MUC4: variants seen among roughly 807,000 people sequenced by gnomAD.
MUC4 encodes the protein mucin-4.
MUC4 carries 202 observed loss-of-function variants against 257.9 expected under a neutral mutation model. That is an observed-to-expected ratio of 0.78 (90% CI 0.70 to 0.88). MUC4 has a LOEUF of 0.88. MUC4 is among the 40% of genes least tolerant of loss of function. The pLI is 0.00. For synonymous variants in MUC4, 2,351 were observed against 2,757.1 expected (o/e 0.85, Z 4.62); for missense variants, 5,976 against 6,513.7 (o/e 0.92, Z 2.84).
intron 18 of MUC4, among the ~76,000 whole-genome samples, chr3:195,756,565 TTC>T (rs1040920867): frequency 5.3e-5 from 8 of 151,816 alleles, no homozygotes; most frequent in Admixed American, 2.0e-4. Flanking sequence ...CCAATATAGT[TTC>T]TTTCTTTCTT....
At chr3:195,778,482 G>A (rs763297644) in intron 2 of MUC4, 27 bp from the exon 3 acceptor site, 3 of 1,608,386 alleles carry the variant, frequency 1.9e-6, no homozygotes, top group East Asian at 4.5e-5. Flanking sequence ...ACAAGGCGGG[G>A]TGTTTCTTAC....
At position 195,765,384 on chromosome 3, in the gene MUC4, G is replaced by A; in HGVS notation, c.13684C>T (p.Leu4562=). The A allele has an allele frequency of 6.2e-7, 1 of 1,613,652 alleles. No individual in the cohort carries two copies. Among genetic ancestry groups the A allele is most frequent in the Non-Finnish European group, 8.5e-7 (1 of 1,180,030 alleles). The change falls in exon 9 of 25, where the codon CTG becomes TTG. Residue 4562 remains leucine, a synonymous_variant. Coordinates refer to ENST00000463781, the MANE Select transcript of MUC4 (RefSeq NM_018406.7). ...CGAGGCTGGCTCTTCAGCCACTGCA[G>A]GCACTCGAGACGGTAGTTGGGCCTT... ...EERPNYRLEC[L]QWLKSQPRWP...
rs571372400 is a variant in MUC4, at chr3:195,760,906, G to T, written c.14826C>A (p.Tyr4942Ter). The change falls in exon 16 of 25, where the codon TAC (tyrosine) becomes TAA (stop). Residue 4942 changes from tyrosine to a stop codon, truncating the protein, a stop_gained. Transcript: ENST00000463781. LOFTEE classifies it high-confidence loss of function. Reference sequence around the variant, plus strand: ...TACTGAGGGTGGCGTTCGCCTGCTCGTAGTTTTTACTGACTTCCCTCGTGT... The same window carrying T: ...TACTGAGGGTGGCGTTCGCCTGCTCTTAGTTTTTACTGACTTCCCTCGTGT... The part of the protein sequence containing the change: ...GLHTREVSKN[Y>*]EQANATLNQY... The T allele has an allele frequency of 6.2e-7, 1 of 1,614,064 alleles. No individual in the cohort carries two copies. Among genetic ancestry groups the T allele is most frequent in the Non-Finnish European group, 8.5e-7 (1 of 1,180,034 alleles).
Position 195,781,077 on chromosome 3 carries a change from G to C in MUC4, c.10503C>G (p.Asp3501Glu), listed in dbSNP as rs768085357. 2.0e-6 allele frequency: 3 copies of C among 1,496,182 alleles called. 1 individual carries two copies. Among genetic ancestry groups the C allele is most frequent in the South Asian group, 1.2e-5 (1 of 81,712 alleles). 92.7% of individuals were successfully genotyped at this position (1,496,182 alleles called of 1,614,324 possible). A position where few individuals can be genotyped will look rare whatever the true frequency, so the allele number is the denominator to read the frequency against. ...VTIPSSASTG[D>E]TSTLPVTGAS... ...CGCCGGTGACAGGAAGAGTGCTGGT[G>C]TCACCTGTGGATGCTGAGGAAGGGA... Residue 3501 changes from aspartate to glutamate, a missense_variant, in exon 2 of 25, where the codon GAC (aspartate) becomes GAG (glutamate). Transcript: ENST00000463781.
At chr3:195,793,242 A>G (rs940218764) in intron 1 of MUC4, among the ~76,000 whole-genome samples, 16 of 152,184 alleles carry the variant, frequency 1.1e-4, no homozygotes, top group African/African-American at 3.9e-4. Flanking sequence ...CCCACCTGCA[A>G]TCCCAGCACT....
At chr3:195,766,363 G>A (rs1720482667) in intron 8 of MUC4, among the ~76,000 whole-genome samples, 1 of 152,076 alleles carries the variant, frequency 6.6e-6, no homozygotes, top group Non-Finnish European at 1.5e-5. Flanking sequence ...CCTCCCACAA[G>A]ACCCTGTCCT....
At position 195,788,822 on chromosome 3, in the gene MUC4, C is replaced by G. The variant is rs778004210; in HGVS notation, c.2758G>C (p.Asp920His). Residue 920 changes from aspartate to histidine, a missense_variant, in exon 2 of 25, where the codon GAC becomes CAC. Asp to His is a moderately conservative substitution (Grantham distance 81). Coordinates refer to ENST00000463781, the MANE Select transcript of MUC4 (RefSeq NM_018406.7). ...GCCTGGGACGCCAGGCTGATAGTGT[C>G]AGACCCTCTGCTGGTTCTTGTCCTC... Reference protein sequence around the residue: ...TQRTRTSRGSDTISLASQATD... With the variant: ...TQRTRTSRGSHTISLASQATD... 6.2e-7 allele frequency: 1 copy of G among 1,613,882 alleles called. No individual in the cohort carries two copies. The highest frequency in any genetic ancestry group is 1.1e-5 in the South Asian group (1 of 91,082).
In MUC4 at chr3:195,763,961, C is replaced by T. The variant is rs970537034; in HGVS notation, c.14044+84G>A. On this transcript the variant is annotated intron_variant, in intron 11 of 24. Transcript: ENST00000463781. ...CCTTGTGGCCACAGCTCTGCCCCTA[C>T]TCCTTATCCAGATGCCACCTCCCGG... is the stretch of plus-strand genomic sequence containing the variant. 4 of 1,469,782 alleles carry T rather than the reference C, an allele frequency of 2.7e-6. No individual in the cohort carries two copies. In the South Asian group the frequency reaches 4.0e-5, roughly 15 times the overall value. The allele number at this position is 1,469,782 out of a possible 1,614,324, so 91.0% of individuals were successfully genotyped here. A position where few individuals can be genotyped will look rare whatever the true frequency, so the allele number is the denominator to read the frequency against.
chr3:195,791,289 C>T lies in MUC4; in HGVS notation c.291G>A (p.Met97Ile). The change falls in exon 2 of 25, where the codon ATG becomes ATA. Residue 97 changes from methionine (M) to isoleucine (I), a missense_variant. This residue lies in a region of MUC4 where 1,583 missense variants were observed against 1,257.4 expected (regional missense o/e 1.26). Transcript: ENST00000463781. ...KAQTDTLTQM[M>I]TSTLFSSPSV... ...TTGGGGAAGAAAAAAGAGTTGATGT[C>T]ATCATCTGCGTGAGGGTGTCGGTTT... 1 of 1,613,366 alleles carries T rather than the reference C, an allele frequency of 6.2e-7. No homozygotes were observed. Among genetic ancestry groups the T allele is most frequent in the Non-Finnish European group, 8.5e-7 (1 of 1,179,792 alleles).
chr3:195,755,352 C>T lies in MUC4; in HGVS notation c.15169-980G>A, dbSNP rs552239105. On this transcript the variant is annotated intron_variant, in intron 18 of 24. Transcript: ENST00000463781. The surrounding 1 kb of genome is among the most constrained non-coding windows in gnomAD (Gnocchi z 5.0). The stretch of plus-strand genomic sequence containing the variant: ...TTGAGATTACAGGCATATGCCACCA[C>T]GCCCAGCTAATTTTTTGATTTTTAG... Among the ~76,000 whole-genome samples, 6 of 152,184 alleles carry T rather than the reference C, an allele frequency of 3.9e-5. No homozygotes were observed. Among genetic ancestry groups the T allele is most frequent in the East Asian group, 1.9e-4 (1 of 5,182 alleles).
chr3:195,760,461 C>A (rs1179589754), intron 16 of MUC4, among the ~76,000 whole-genome samples: 2 of 140,042 alleles, frequency 1.4e-5, no homozygotes, highest in East Asian at 2.4e-4. Context: ...GTGCAGGGAG[C>A]TGGGAAGGGG....
In MUC4 at chr3:195,747,499, G is replaced by C; in HGVS notation, c.16035-119C>G. 3 of 1,187,302 alleles carry C rather than the reference G, an allele frequency of 2.5e-6. No homozygotes were observed. In the South Asian group the frequency reaches 4.2e-5, roughly 17 times the overall value. 73.5% of individuals were successfully genotyped at this position (1,187,302 alleles called of 1,614,324 possible). ...GAGGCTGGGCTCGCCCCACTCTCCGGAGAGACTGAGTCAGCCCTGAGGCCG... is the reference window on the plus strand; with the variant it reads ...GAGGCTGGGCTCGCCCCACTCTCCGCAGAGACTGAGTCAGCCCTGAGGCCG... On this transcript the variant is annotated intron_variant, in intron 24 of 24. Coordinates refer to ENST00000463781, the MANE Select transcript of MUC4 (RefSeq NM_018406.7).
chr3:195,778,485 T>C lies in MUC4; in HGVS notation c.12791-30A>G, dbSNP rs759235493. ...ACACGTGAAAAGACAAGGCGGGGTG[T>C]TTCTTACAGTAACAAAACAGGAGAG... On this transcript the variant is annotated intron_variant, in intron 2 of 24. Transcript: ENST00000463781. 1.9e-6 allele frequency: 3 copies of C among 1,604,400 alleles called. No homozygotes were observed. In the Admixed American group the frequency reaches 5.3e-5, roughly 28 times the overall value.
chr3:195,775,920 C>T (rs1408339432), intron 3 of MUC4, among the ~76,000 whole-genome samples: 36 of 81,792 alleles, frequency 4.4e-4, no homozygotes, highest in Middle Eastern at 7.7e-3. Context: ...CCTTCCACAC[C>T]CATACCTTCC....
chr3:195,770,673 T>G, intron 5 of MUC4: 1 of 487,062 alleles, frequency 2.1e-6, no homozygotes, highest in Non-Finnish European at 3.8e-6. Flanking sequence ...CGGGCCCACT[T>G]TTACCTCCCC....
chr3:195,792,236 C>G (rs959223878), intron 1 of MUC4, among the ~76,000 whole-genome samples: 1 of 152,168 alleles, frequency 6.6e-6, no homozygotes. Flanking sequence ...ATCTAACCAT[C>G]TGACAGAGGT....
At chr3:195,793,675 G>A (rs946951821) in intron 1 of MUC4, among the ~76,000 whole-genome samples, 42 of 152,278 alleles carry the variant, frequency 2.8e-4, no homozygotes, top group African/African-American at 9.1e-4. Context: ...GAGGAGGAAG[G>A]TGAGGTTAGA....
chr3:195,778,802 T>A lies in MUC4; in HGVS notation c.12778A>T (p.Met4260Leu), dbSNP rs776224496. Residue 4260 changes from methionine (M) to leucine (L), a missense_variant, in exon 2 of 25, where the codon ATG (methionine) becomes TTG (leucine). Physicochemically the swap from Met to Leu is conservative, Grantham distance 15 (BLOSUM62 2). Coordinates refer to ENST00000463781, the MANE Select transcript of MUC4 (RefSeq NM_018406.7). ...AGTTGGCAGCTACCTGGTGTTTCCA[T>A]CTTCAGAGGGGAGTCCGAGGATACT... ...STVSSDSPLK[M>L]ETPGMTTPSL... 4 of 1,610,584 alleles carry A rather than the reference T, an allele frequency of 2.5e-6. No homozygotes were observed. The highest frequency in any genetic ancestry group is 2.2e-5 in the East Asian group (1 of 44,846).
At chr3:195,762,628 A>G (rs1719368487) in intron 13 of MUC4, among the ~76,000 whole-genome samples, 2 of 139,322 alleles carry the variant, frequency 1.4e-5, no homozygotes, top group Admixed American at 7.0e-5. Flanking sequence ...CCGGCCCTGC[A>G]CCGCCACGCA....
Sources: gnomAD v4.1 joint callset for allele counts (sites outside exome capture counted in the v4.1 genomes callset) on GRCh38, gnomAD v4.1.1 for gene constraint, gnomAD v4.1.1 regional missense constraint, Gnocchi (gnomAD v3.1) non-coding constraint, MANE v1.5 for transcripts, NCBI Gene and HGNC (gene_info 2026-07-23, HGNC 2026-07-21) for gene names.